The following DPF3 variants were observed in gnomAD, a reference collection of about 807,000 sequenced individuals.
DPF3 encodes the protein zinc finger protein DPF3.
In DPF3, 18 loss-of-function variants were observed where a neutral mutation model predicts 56.8. The observed-to-expected ratio is 0.32, with a 90% CI of 0.22 to 0.47. DPF3 has a LOEUF of 0.47. Among genes scored for constraint, DPF3 ranks in the 20% least tolerant of loss-of-function variants. DPF3 has a pLI of 1.00. For synonymous variants in DPF3, 188 were observed against 180.2 expected (o/e 1.04, Z -0.35); for missense variants, 403 against 488.8 (o/e 0.82, Z 1.65).
chr14:72,632,938 T>C (rs1450781783), intron 8 of DPF3, among the ~76,000 whole-genome samples: 1 of 151,520 alleles, frequency 6.6e-6, no homozygotes, highest in East Asian at 1.9e-4. Context: ...GGTGGGAGGG[T>C]ACAGGAATGT....
chr14:72,731,727 G>C (rs903404002), intron 4 of DPF3, 80 bp downstream of exon 4: 91 of 1,577,892 alleles, frequency 5.8e-5, no homozygotes, highest in Non-Finnish European at 7.3e-5. Flanking sequence ...GGAGGATCTG[G>C]AGCCAAGCCG....
At chr14:72,619,778 T>C (rs1884310106) in intron 10 of DPF3, 125 bp downstream of exon 10, 1 of 948,182 alleles carries the variant, frequency 1.1e-6, no homozygotes, top group African/African-American at 1.7e-5. Context: ...TTGTGATGAT[T>C]AAATGAGACA....
intron 5 of DPF3, among the ~76,000 whole-genome samples, chr14:72,717,237 A>T (rs1888970571): frequency 6.6e-6 from 1 of 152,260 alleles, no homozygotes; most frequent in South Asian, 2.1e-4. Context: ...TGAAAAGAGC[A>T]TCCGCTTAAA....
chr14:72,879,952 G>A, intron 1 of DPF3: 1 of 1,488,296 alleles, frequency 6.7e-7, no homozygotes, highest in Non-Finnish European at 8.9e-7. Flanking sequence ...AAGGGCCTGT[G>A]ATTGCCAAAG....
intron 3 of DPF3, among the ~76,000 whole-genome samples, chr14:72,747,458 T>G (rs1326882346): frequency 6.6e-6 from 1 of 152,004 alleles, no homozygotes; most frequent in Non-Finnish European, 1.5e-5. Context: ...GGCAGCCCCC[T>G]CACTTACCCT....
intron 1 of DPF3, among the ~76,000 whole-genome samples, chr14:72,869,516 G>C (rs1297209884): frequency 2.0e-5 from 3 of 152,160 alleles, no homozygotes; most frequent in Non-Finnish European, 4.4e-5. Context: ...GTGTGAGACG[G>C]TGTGCTTCTC....
chr14:72,697,300 C>T (rs559329159), intron 6 of DPF3, among the ~76,000 whole-genome samples: 9 of 152,234 alleles, frequency 5.9e-5, no homozygotes, highest in Admixed American at 2.6e-4. Flanking sequence ...TGGAGGAGGT[C>T]GCAGTCTAGC....
chr14:72,749,049 TC>T (rs1890445189), intron 3 of DPF3, among the ~76,000 whole-genome samples: 1 of 152,172 alleles, frequency 6.6e-6, no homozygotes, highest in Non-Finnish European at 1.5e-5. Flanking sequence ...ATCTTCCAGA[TC>T]CCAGAATGGT....
intron 8 of DPF3, among the ~76,000 whole-genome samples, chr14:72,641,349 C>T (rs1885559566): frequency 6.6e-6 from 1 of 152,244 alleles, no homozygotes. Flanking sequence ...CTTTACCTAA[C>T]TCCATTCACT....
chr14:72,718,771 A>AT lies in DPF3; in HGVS notation c.526-4271dup, dbSNP rs766396428. Among the ~76,000 whole-genome samples, 13 of 93,896 alleles carry AT rather than the reference A, an allele frequency of 1.4e-4. 2 individuals are homozygous for AT. The highest frequency in any genetic ancestry group is 3.1e-4 in the Admixed American group (2 of 6,392). 61.6% of individuals were successfully genotyped at this position (93,896 alleles called of 152,430 possible). ...AGAACCACTGCTCTACACCCTTGCT[A>AT]TTTTTTTTTTTTTTGAGACGGAGTC... is the stretch of plus-strand genomic sequence containing the variant. On this transcript the variant is annotated intron_variant, in intron 5 of 10. Coordinates refer to ENST00000556509, the MANE Select transcript of DPF3 (RefSeq NM_001280542.3).
At chr14:72,865,131 G>A in intron 1 of DPF3, among the ~76,000 whole-genome samples, 1 of 152,114 alleles carries the variant, frequency 6.6e-6, no homozygotes, top group Non-Finnish European at 1.5e-5. Context: ...TTGAGTCACG[G>A]GTGCTGGCTG....
At chr14:72,858,139 T>C (rs1034267482) in intron 1 of DPF3, among the ~76,000 whole-genome samples, 4 of 151,900 alleles carry the variant, frequency 2.6e-5, no homozygotes, top group Non-Finnish European at 4.4e-5. Flanking sequence ...ACCCCATCTC[T>C]ACCAAAAATA....
intron 1 of DPF3, among the ~76,000 whole-genome samples, chr14:72,851,546 CAT>C (rs1884984507): frequency 6.6e-6 from 1 of 152,160 alleles, no homozygotes; most frequent in Non-Finnish European, 1.5e-5. Context: ...AAGCAATTAA[CAT>C]ATAAATGGCC....
chr14:72,745,111 T>G (rs1361903127), intron 3 of DPF3, among the ~76,000 whole-genome samples: 3 of 132,690 alleles, frequency 2.3e-5, no homozygotes, highest in East Asian at 4.9e-4. Context: ...AGGGGCACCA[T>G]GGGTGGGTGG....
chr14:72,793,670 G>A (rs1324748232), intron 1 of DPF3, among the ~76,000 whole-genome samples: 2 of 152,160 alleles, frequency 1.3e-5, no homozygotes, highest in Non-Finnish European at 2.9e-5. Flanking sequence ...AGATGGGGTG[G>A]GGAAGCCCCA....
chr14:72,745,399 T>C (rs1033182575), intron 3 of DPF3, among the ~76,000 whole-genome samples: 8 of 151,894 alleles, frequency 5.3e-5, no homozygotes, highest in African/African-American at 1.9e-4. Flanking sequence ...ATTTAACTAG[T>C]CCTCATCAAT....
At chr14:72,806,453 C>T (rs1283199448) in intron 1 of DPF3, among the ~76,000 whole-genome samples, 1 of 152,214 alleles carries the variant, frequency 6.6e-6, no homozygotes, top group East Asian at 1.9e-4. Context: ...GCTCATCTCT[C>T]CACACTCCGC....
intron 3 of DPF3, among the ~76,000 whole-genome samples, chr14:72,735,564 T>C (rs1272461482): frequency 2.6e-5 from 4 of 151,974 alleles, no homozygotes; most frequent in African/African-American, 9.7e-5. Context: ...GCATCAAGAG[T>C]CCAATCCCTT....
At chr14:72,892,113 A>T in intron 1 of DPF3, 2 of 1,513,404 alleles carry the variant, frequency 1.3e-6, no homozygotes, top group Middle Eastern at 3.6e-4. Context: ...GCTCCCGGGT[A>T]ACTAGGGTAC....
Sources: allele counts gnomAD v4.1 joint callset (sites outside exome capture counted in the v4.1 genomes callset), GRCh38; gene constraint gnomAD v4.1.1; transcripts MANE v1.5; gene names NCBI Gene and HGNC (gene_info 2026-07-23, HGNC 2026-07-21).